The following LIFR variants were observed in gnomAD, a reference collection of about 807,000 sequenced individuals.
LIFR encodes the protein LIF receptor subunit alpha.
LIFR carries 84 observed loss-of-function variants against 122.2 expected under a neutral mutation model. The observed-to-expected ratio is 0.69, with a 90% CI of 0.58 to 0.82. The LOEUF is 0.82. Among genes scored for constraint, LIFR ranks in the 40% least tolerant of loss-of-function variants. The pLI is 0.00. For synonymous variants in LIFR, 422 were observed against 434.7 expected, an observed-to-expected ratio of 0.97 and a Z score of 0.36; for missense variants, 1,294 against 1,311.6, an observed-to-expected ratio of 0.99 and a Z score of 0.21.
chr5:38,565,353 T>C (rs542049672), intron 1 of LIFR, among the ~76,000 whole-genome samples: 10 of 151,992 alleles, frequency 6.6e-5, no homozygotes, highest in Admixed American at 5.9e-4. Context: ...AAGTCCCAAA[T>C]GGCAGCATAG....
At chr5:38,528,907 TAAGTC>T (rs1349478839) in intron 2 of LIFR, 67 bp from the exon 3 acceptor site, 4 of 938,192 alleles carry the variant, frequency 4.3e-6, no homozygotes, top group Non-Finnish European at 5.1e-6. Flanking sequence ...ATATGCTGAA[TAAGTC>T]AACTGCACTC....
At chr5:38,575,304 C>T (rs1262651155) in intron 1 of LIFR, among the ~76,000 whole-genome samples, 5 of 152,090 alleles carry the variant, frequency 3.3e-5, no homozygotes, top group African/African-American at 1.2e-4. Context: ...GGTGGGGGCC[C>T]CAGGGTACTG....
chr5:38,523,563 T>A lies in LIFR; in HGVS notation c.417A>T (p.Pro139=), dbSNP rs748197837. Residue 139 remains proline, a synonymous_variant, in exon 5 of 20, where the codon CCA becomes CCT. Coordinates refer to ENST00000453190, the MANE Select transcript of LIFR (RefSeq NM_001127671.2). ...AATCAGCAGACAAATTCAAGATCTC[T>A]GGAGTATCTGGAATTAAGGCTTTAA... ...EQNVSLIPDT[P]EILNLSADFS... 2 of 1,612,416 alleles carry A rather than the reference T, an allele frequency of 1.2e-6. No homozygotes were observed. Among genetic ancestry groups the A allele is most frequent in the South Asian group, 2.2e-5 (2 of 90,992 alleles).
In LIFR at chr5:38,476,910, C is replaced by A. The variant is rs895587056; in HGVS notation, c.*4685G>T. 9 of 214,212 alleles carry A rather than the reference C, an allele frequency of 4.2e-5. No homozygotes were observed. Among genetic ancestry groups the A allele is most frequent in the Non-Finnish European group, 8.5e-5 (9 of 106,178 alleles). 13.3% of individuals were successfully genotyped at this position (214,212 alleles called of 1,614,324 possible). ...TCTGATAATCCAAATATTAACATTCCTAATATAGGGAAAAATAAGCACCAT... is the reference window on the plus strand; with the variant it reads ...TCTGATAATCCAAATATTAACATTCATAATATAGGGAAAAATAAGCACCAT... On this transcript the variant is annotated 3_prime_UTR_variant, in exon 20 of 20. Coordinates refer to ENST00000453190, the MANE Select transcript of LIFR (RefSeq NM_001127671.2).
chr5:38,571,259 A>G (rs1270953874), intron 1 of LIFR, among the ~76,000 whole-genome samples: 1 of 152,180 alleles, frequency 6.6e-6, no homozygotes, highest in Admixed American at 6.5e-5. Context: ...AACAAATAGT[A>G]TGCACTAGTC....
chr5:38,536,668 T>C (rs1376390911), intron 1 of LIFR, among the ~76,000 whole-genome samples: 2 of 152,202 alleles, frequency 1.3e-5, no homozygotes, highest in Admixed American at 6.5e-5. Flanking sequence ...AGCTATTTCA[T>C]AAAGAGAACT....
In LIFR at chr5:38,482,535, A is replaced by G. The variant is rs943718737; in HGVS notation, c.2670+54T>C. ...GCATGTTAAAAACTTTTCACAAAAG[A>G]TTAAAAAAAGAAGCCAGCACATCAA... is the stretch of plus-strand genomic sequence containing the variant. On this transcript the variant is annotated intron_variant, in intron 19 of 19. Coordinates refer to ENST00000453190, the MANE Select transcript of LIFR (RefSeq NM_001127671.2). 17 of 971,094 alleles carry G rather than the reference A, an allele frequency of 1.8e-5. No homozygotes were observed. In the African/African-American group the frequency reaches 2.5e-4, roughly 14 times the overall value. 60.2% of individuals were successfully genotyped at this position (971,094 alleles called of 1,614,324 possible). A position where few individuals can be genotyped will look rare whatever the true frequency, so the allele number is the denominator to read the frequency against.
At chr5:38,482,400 T>C (rs761235256) in intron 19 of LIFR, among the ~76,000 whole-genome samples, 182 bp from the exon 20 acceptor site, 5 of 149,690 alleles carry the variant, frequency 3.3e-5, no homozygotes, top group Non-Finnish European at 7.4e-5. Flanking sequence ...TTGTTATTAA[T>C]ACTTGTGGGA....
intron 12 of LIFR, among the ~76,000 whole-genome samples, chr5:38,498,514 T>C (rs1745004341): frequency 6.6e-6 from 1 of 152,166 alleles, no homozygotes; most frequent in South Asian, 2.1e-4. Context: ...GATATCCCAG[T>C]GGCATACCTT....
chr5:38,596,350 G>C (rs2112774735), upstream of LIFR, among the ~76,000 whole-genome samples: 1 of 152,280 alleles, frequency 6.6e-6, no homozygotes, highest in South Asian at 2.1e-4. Context: ...TGATTCTTGT[G>C]TACACCGAAG....
chr5:38,581,961 C>T (rs893431346), intron 1 of LIFR, among the ~76,000 whole-genome samples: 3 of 152,148 alleles, frequency 2.0e-5, no homozygotes, highest in Non-Finnish European at 2.9e-5. Flanking sequence ...TTTCTTTTGC[C>T]ACCAGGTAGA....
chr5:38,513,143 T>G (rs983103567), intron 5 of LIFR, among the ~76,000 whole-genome samples: 1 of 152,160 alleles, frequency 6.6e-6, no homozygotes, highest in African/African-American at 2.4e-5. Context: ...GTAAACAGAT[T>G]TTTTTTAAAG....
chr5:38,512,901 T>C (rs1745877811), intron 5 of LIFR, among the ~76,000 whole-genome samples: 1 of 151,916 alleles, frequency 6.6e-6, no homozygotes, highest in African/African-American at 2.4e-5. Context: ...AATAAAATAG[T>C]TTTAGACTAG....
rs1047295862 is a variant in LIFR, at chr5:38,494,492, G to A, written c.1886-707C>T. The stretch of plus-strand genomic sequence containing the variant: ...CAAGGGGCAAAGGCTGAGGGCAGAA[G>A]ACAGGCGCAGAGGCCCTGGCAAGGT... On this transcript the variant is annotated intron_variant, in intron 13 of 19. Coordinates refer to ENST00000453190, the MANE Select transcript of LIFR (RefSeq NM_001127671.2). Among the ~76,000 whole-genome samples, 8 of 152,216 alleles carry A rather than the reference G, an allele frequency of 5.3e-5. No individual in the cohort carries two copies. The South Asian group carries it at 1.5e-3, about 28-fold the overall frequency.
chr5:38,561,696 G>C (rs1748844482), intron 1 of LIFR, among the ~76,000 whole-genome samples: 1 of 152,158 alleles, frequency 6.6e-6, no homozygotes, highest in Admixed American at 6.5e-5. Flanking sequence ...CCACTCCTAA[G>C]TCTATCAAAG....
At chr5:38,551,706 C>G (rs1748210446) in intron 1 of LIFR, among the ~76,000 whole-genome samples, 1 of 152,192 alleles carries the variant, frequency 6.6e-6, no homozygotes, top group Non-Finnish European at 1.5e-5. Flanking sequence ...CCTTACAAAC[C>G]AGAAGAATGA....
At chr5:38,540,115 C>T (rs1428165630) in intron 1 of LIFR, among the ~76,000 whole-genome samples, 1 of 152,116 alleles carries the variant, frequency 6.6e-6, no homozygotes, top group Non-Finnish European at 1.5e-5. Context: ...GGACTCCAGT[C>T]CCTATTCTAC....
chr5:38,548,713 A>G (rs981969808), intron 1 of LIFR, among the ~76,000 whole-genome samples: 5 of 152,246 alleles, frequency 3.3e-5, no homozygotes, highest in African/African-American at 1.2e-4. Flanking sequence ...AACAACAGAA[A>G]AAGAAGAAAA....
intron 1 of LIFR, among the ~76,000 whole-genome samples, chr5:38,569,863 A>C (rs1312602244): frequency 6.6e-6 from 1 of 152,152 alleles, no homozygotes; most frequent in African/African-American, 2.4e-5. Flanking sequence ...CATTCTGCCT[A>C]GAGTATGTTG....
Sources: allele counts gnomAD v4.1 joint callset (sites outside exome capture counted in the v4.1 genomes callset), GRCh38; gene constraint gnomAD v4.1.1; transcripts MANE v1.5; gene names NCBI Gene and HGNC (gene_info 2026-07-23, HGNC 2026-07-21).